DCAF8L2: variants seen among roughly 807,000 people sequenced by gnomAD.
DCAF8L2 encodes the protein DDB1- and CUL4-associated factor 8-like protein 2.
For missense variants in DCAF8L2, 430 were observed against 490.7 expected (o/e 0.88, Z 1.17); for synonymous variants, 200 against 190.9 (o/e 1.05, Z -0.39).
chrX:27,512,615 C>T, the DCAF8L2 span, among the ~76,000 whole-genome samples: 2 of 102,127 alleles, frequency 2.0e-5, no homozygotes, highest in Non-Finnish European at 4.0e-5. Context: ...ACCTGGCAGG[C>T]GGAAGTTGCA....
At chrX:27,588,573 G>A (rs975142427), upstream of DCAF8L2, among the ~76,000 whole-genome samples, 2 of 111,386 alleles carry the variant, frequency 1.8e-5, no homozygotes, top group African/African-American at 6.5e-5. Flanking sequence ...TTTCCACAGT[G>A]GCTGAACTAA....
At chrX:27,733,741 G>A (rs886755666) in intron 4 of DCAF8L2, among the ~76,000 whole-genome samples, 1 of 110,597 alleles carries the variant, frequency 9.0e-6, no homozygotes, top group African/African-American at 3.3e-5. Context: ...TCATTATTTT[G>A]CATGTGGATA....
At chrX:27,475,909 T>G in the DCAF8L2 span, among the ~76,000 whole-genome samples, 1 of 111,509 alleles carries the variant, frequency 9.0e-6, no homozygotes, top group South Asian at 3.8e-4. Flanking sequence ...GGTGACTCAT[T>G]GGTGAATGCA....
chrX:27,469,876 C>T, the DCAF8L2 span, among the ~76,000 whole-genome samples: 1 of 109,527 alleles, frequency 9.1e-6, no homozygotes, highest in South Asian at 3.9e-4. Context: ...TCAAGCAATT[C>T]TCCTGCCTCA....
the DCAF8L2 span, among the ~76,000 whole-genome samples, chrX:27,557,350 G>A: frequency 8.9e-6 from 1 of 111,814 alleles, no homozygotes. Flanking sequence ...TTGGTAATAT[G>A]TTAATTATTT....
At chrX:27,724,603 G>A (rs770042340) in intron 4 of DCAF8L2, among the ~76,000 whole-genome samples, 2 of 111,064 alleles carry the variant, frequency 1.8e-5, no homozygotes, top group South Asian at 7.4e-4. Flanking sequence ...AACTTTAGTG[G>A]AATATATTAA....
At chrX:27,721,683 AAC>A (rs1355668955) in intron 4 of DCAF8L2, among the ~76,000 whole-genome samples, 1 of 111,912 alleles carries the variant, frequency 8.9e-6, no homozygotes, top group Non-Finnish European at 1.9e-5. Flanking sequence ...AAAGCATTAA[AAC>A]ACAAAATAAG....
intron 1 of DCAF8L2, among the ~76,000 whole-genome samples, chrX:27,592,460 G>C (rs1926154060): frequency 2.0e-5 from 2 of 102,156 alleles, no homozygotes; most frequent in African/African-American, 7.0e-5. Context: ...TTTTGAGACA[G>C]AGTTTCGCTC....
the DCAF8L2 span, among the ~76,000 whole-genome samples, chrX:27,559,206 C>T: frequency 9.0e-5 from 10 of 111,153 alleles, no homozygotes; most frequent in Admixed American, 4.8e-4. Flanking sequence ...TATAGCATTG[C>T]GAAAAGGGAC....
chrX:27,686,035 A>G, intron 3 of DCAF8L2, among the ~76,000 whole-genome samples: 1 of 111,945 alleles, frequency 8.9e-6, no homozygotes, highest in Admixed American at 9.5e-5. Flanking sequence ...ACAATGAGAT[A>G]TAATCTCACC....
At chrX:27,509,300 TC>T in the DCAF8L2 span, among the ~76,000 whole-genome samples, 3 of 111,473 alleles carry the variant, frequency 2.7e-5, no homozygotes, top group Admixed American at 1.9e-4. Flanking sequence ...TTCCCTCCTT[TC>T]CCTCAGTTGA....
the DCAF8L2 span, among the ~76,000 whole-genome samples, chrX:27,497,544 C>CTTT: frequency 0.011 from 984 of 86,946 alleles, 31 homozygotes; most frequent in African/African-American, 0.049. Flanking sequence ...TTCCTTCCTT[C>CTTT]CTTCCTTCTT....
intron 2 of DCAF8L2, among the ~76,000 whole-genome samples, chrX:27,641,292 T>C (rs1928707093): frequency 9.0e-6 from 1 of 111,421 alleles, no homozygotes; most frequent in Non-Finnish European, 1.9e-5. Flanking sequence ...TTCTTGTATA[T>C]TGAAATAAGC....
the DCAF8L2 span, among the ~76,000 whole-genome samples, chrX:27,520,291 A>G: frequency 5.3e-5 from 6 of 112,315 alleles, no homozygotes; most frequent in East Asian, 1.4e-3. Flanking sequence ...GTTTATATTT[A>G]GAATTACATT....
the DCAF8L2 span, among the ~76,000 whole-genome samples, chrX:27,515,827 C>T: frequency 6.3e-5 from 7 of 111,759 alleles, no homozygotes; most frequent in Non-Finnish European, 1.1e-4. Context: ...CCATCCATTC[C>T]TTTGATGTAC....
the DCAF8L2 span, among the ~76,000 whole-genome samples, chrX:27,507,904 T>C: frequency 9.0e-6 from 1 of 111,536 alleles, no homozygotes. Context: ...TGTATATCCT[T>C]AATAGATACA....
At chrX:27,742,030 C>T (rs1284168399) in intron 4 of DCAF8L2, among the ~76,000 whole-genome samples, 1 of 111,758 alleles carries the variant, frequency 8.9e-6, no homozygotes, top group Non-Finnish European at 1.9e-5. Context: ...AATAGATCTT[C>T]GTTATTTTAA....
intron 1 of DCAF8L2, among the ~76,000 whole-genome samples, chrX:27,592,417 G>GTTTTT (rs1248208449): frequency 2.4e-5 from 2 of 83,950 alleles, no homozygotes; most frequent in Non-Finnish European, 4.4e-5. Flanking sequence ...GTTTGTTTTT[G>GTTTTT]TTTTTTTTTT....
upstream of DCAF8L2, among the ~76,000 whole-genome samples, chrX:27,587,065 A>G (rs1925917583): frequency 9.0e-6 from 1 of 111,368 alleles, no homozygotes; most frequent in Non-Finnish European, 1.9e-5. Flanking sequence ...TCACCACACC[A>G]TAAAACCCTG....
Sources: allele counts gnomAD v4.1 joint callset (sites outside exome capture counted in the v4.1 genomes callset), GRCh38; gene constraint gnomAD v4.1.1; transcripts MANE v1.5; gene names NCBI Gene and HGNC (gene_info 2026-07-23, HGNC 2026-07-21).